Variants in PCDH15 observed in about 807,000 individuals in gnomAD.
PCDH15 encodes protocadherin-15.
A neutral mutation model predicts 178.5 loss-of-function variants in PCDH15; 129 were observed. The observed-to-expected ratio is 0.72, with a 90% confidence interval of 0.63 to 0.84. The LOEUF is 0.84. PCDH15 is among the 40% of genes least tolerant of loss of function. The pLI, the probability that PCDH15 is intolerant of heterozygous loss-of-function variation, is 0.00. For missense variants in PCDH15, 2,230 were observed against 2,099.9 expected, an observed-to-expected ratio of 1.06 and a Z score of -1.21; for synonymous variants, 800 against 732.0, an observed-to-expected ratio of 1.09 and a Z score of -1.50.
At chr10:55,243,947 A>G (rs976551030) in intron 1 of PCDH15, among the ~76,000 whole-genome samples, 4 of 152,164 alleles carry the variant, frequency 2.6e-5, no homozygotes, top group African/African-American at 9.6e-5. Context: ...AATTCGGGTT[A>G]TAAGTGTTTC....
chr10:54,506,953 C>G (rs1203597308), intron 3 of PCDH15, among the ~76,000 whole-genome samples: 4 of 151,634 alleles, frequency 2.6e-5, no homozygotes, highest in African/African-American at 9.7e-5. Flanking sequence ...TTTTGATCAA[C>G]TGATTCAAAA....
intron 5 of PCDH15, among the ~76,000 whole-genome samples, chr10:54,348,950 C>T (rs1383308313): frequency 1.3e-5 from 2 of 152,086 alleles, no homozygotes; most frequent in African/African-American, 2.4e-5. Flanking sequence ...GCTTGTTTCA[C>T]TTAACATAAT....
chr10:54,995,105 G>A (rs1015471837), intron 2 of PCDH15, among the ~76,000 whole-genome samples: 2 of 152,018 alleles, frequency 1.3e-5, no homozygotes, highest in Non-Finnish European at 2.9e-5. Flanking sequence ...GGCCGGGCAC[G>A]GTGGCTCACG....
intron 3 of PCDH15, among the ~76,000 whole-genome samples, chr10:54,501,692 C>T (rs73258130): frequency 0.015 from 2,225 of 152,122 alleles, 47 homozygotes; most frequent in African/African-American, 0.05. Flanking sequence ...AGTTCTTAAA[C>T]TCATTATTTA....
intron 21 of PCDH15, among the ~76,000 whole-genome samples, chr10:53,972,085 CAG>C (rs886361857): frequency 1.3e-5 from 2 of 152,100 alleles, no homozygotes; most frequent in African/African-American, 4.8e-5. Context: ...GGTACCAAAA[CAG>C]AGATATAGGC....
intron 2 of PCDH15, among the ~76,000 whole-genome samples, chr10:55,538,633 TCCTC>T (rs1433450479): frequency 0.043 from 756 of 17,500 alleles, 231 homozygotes; most frequent in East Asian, 0.2. Context: ...TTTCCTTCCT[TCCTC>T]CCTTCCTTCC....
chr10:53,942,488 A>G (rs1262751830), intron 23 of PCDH15, among the ~76,000 whole-genome samples: 1 of 152,188 alleles, frequency 6.6e-6, no homozygotes, highest in Non-Finnish European at 1.5e-5. Flanking sequence ...ATGTAAATTC[A>G]ATGGACATAC....
chr10:54,046,587 T>C (rs2093659861), intron 18 of PCDH15, among the ~76,000 whole-genome samples: 1 of 149,670 alleles, frequency 6.7e-6, no homozygotes, highest in South Asian at 2.1e-4. Flanking sequence ...ATAATGTTTA[T>C]AAATGCTTAC....
At chr10:54,759,538 C>T (rs1174187613) in intron 1 of PCDH15, among the ~76,000 whole-genome samples, 2 of 152,122 alleles carry the variant, frequency 1.3e-5, no homozygotes, top group Non-Finnish European at 2.9e-5. Flanking sequence ...AGTTCAGTTC[C>T]TTAGGCATAT....
intron 2 of PCDH15, among the ~76,000 whole-genome samples, chr10:55,519,285 T>TAAAAA (rs34476517): frequency 1.5e-5 from 2 of 134,180 alleles, no homozygotes; most frequent in Non-Finnish European, 3.2e-5. Context: ...ATGCTGAGTG[T>TAAAAA]AAAAAAAAAA....
chr10:54,793,494 T>C (rs1230376499), intron 1 of PCDH15, among the ~76,000 whole-genome samples: 1 of 151,714 alleles, frequency 6.6e-6, no homozygotes, highest in Admixed American at 6.6e-5. Context: ...CTATTGACTA[T>C]CATGATCTGT....
chr10:55,433,729 T>G (rs940675808), intron 2 of PCDH15, among the ~76,000 whole-genome samples: 10 of 152,168 alleles, frequency 6.6e-5, no homozygotes, highest in African/African-American at 1.9e-4. Flanking sequence ...ATAACATAAT[T>G]GCATTTCCCT....
intron 2 of PCDH15, among the ~76,000 whole-genome samples, chr10:55,105,094 C>G (rs1168225880): frequency 6.6e-6 from 1 of 152,162 alleles, no homozygotes; most frequent in Non-Finnish European, 1.5e-5. Flanking sequence ...TTACATTTCT[C>G]TCTGCTGAGA....
At chr10:55,237,499 G>A (rs1416110598) in intron 1 of PCDH15, among the ~76,000 whole-genome samples, 1 of 151,892 alleles carries the variant, frequency 6.6e-6, no homozygotes, top group East Asian at 1.9e-4. Context: ...AAATTACTTG[G>A]TCAGTCACTC....
At chr10:54,756,303 C>CA (rs1400827606) in intron 1 of PCDH15, among the ~76,000 whole-genome samples, 7 of 151,836 alleles carry the variant, frequency 4.6e-5, no homozygotes, top group Non-Finnish European at 1.0e-4. Context: ...ACCATGAGTG[C>CA]AAAAAGAAAA....
intron 35 of PCDH15, among the ~76,000 whole-genome samples, chr10:53,815,759 C>G (rs887240785): frequency 7.3e-5 from 11 of 151,572 alleles, no homozygotes; most frequent in African/African-American, 2.4e-4. Context: ...CAAAAAATAT[C>G]TTTTTCACAT....
At chr10:54,845,413 T>C (rs1484323481) in intron 3 of PCDH15, among the ~76,000 whole-genome samples, 1 of 152,052 alleles carries the variant, frequency 6.6e-6, no homozygotes, top group African/African-American at 2.4e-5. Context: ...CGATCAAGGT[T>C]GGGTCAAACT....
chr10:54,381,250 G>A lies in PCDH15; in HGVS notation c.158-2308C>T, dbSNP rs181625330. Among the ~76,000 whole-genome samples the A allele has an allele frequency of 1.4e-4, 22 of 152,120 alleles. No individual in the cohort carries two copies. The East Asian group carries it at 4.1e-3, about 28-fold the overall frequency. On this transcript the variant is annotated intron_variant, in intron 3 of 37. Transcript: ENST00000644397. Reference sequence around the variant, plus strand: ...AACTGTGCCCATACCCCTCTCCTTAGAAGAATACGTGACACCCAAGCTATA... The same window carrying A: ...AACTGTGCCCATACCCCTCTCCTTAAAAGAATACGTGACACCCAAGCTATA...
chr10:54,208,246 G>A (rs1056965436), intron 10 of PCDH15, among the ~76,000 whole-genome samples: 13 of 152,060 alleles, frequency 8.5e-5, no homozygotes, highest in Admixed American at 3.9e-4. Context: ...TCTAAAATGT[G>A]TAAGAGATAT....
Sources: allele counts gnomAD v4.1 joint callset (sites outside exome capture counted in the v4.1 genomes callset), GRCh38; gene constraint gnomAD v4.1.1; transcripts MANE v1.5; gene names NCBI Gene and HGNC (gene_info 2026-07-23, HGNC 2026-07-21).